CHD2: variants seen among roughly 807,000 people sequenced by gnomAD.
CHD2 encodes chromodomain helicase DNA binding protein 2.
In CHD2, 28 loss-of-function variants were observed where a neutral mutation model predicts 243.9. The ratio of observed to expected loss-of-function variants is 0.11; its 90% CI spans 0.09 to 0.16. The LOEUF (loss-of-function observed/expected upper bound fraction) is 0.16, where lower values mean the gene tolerates loss of function less well. Ranked by LOEUF, CHD2 falls within the 10% of genes least tolerant of loss-of-function variation. CHD2 has a pLI of 1.00. For synonymous variants in CHD2, 775 were observed against 779.0 expected, an observed-to-expected ratio of 0.99 and a Z score of 0.09; for missense variants, 1,386 against 2,209.8, an observed-to-expected ratio of 0.63 and a Z score of 7.47.
chr15:92,900,906 T>G (rs2052519809), intron 1 of CHD2, 82 bp downstream of exon 1: 5 of 408,626 alleles, frequency 1.2e-5, no homozygotes, highest in Non-Finnish European at 2.1e-5. Flanking sequence ...GAGAAATTCT[T>G]GGATGACGCA....
intron 38 of CHD2, chr15:93,020,746 T>C (rs1011554003): frequency 3.4e-5 from 6 of 177,652 alleles, no homozygotes; most frequent in Admixed American, 2.3e-4. Flanking sequence ...CAGGGAGAGC[T>C]AAAGAGGTTT....
intron 20 of CHD2, 167 bp from the exon 21 acceptor site, chr15:92,978,067 C>A: frequency 1.4e-6 from 1 of 733,790 alleles, no homozygotes; most frequent in Non-Finnish European, 2.3e-6. Flanking sequence ...AATGAAAATT[C>A]ATTCTACCAT....
intron 26 of CHD2, among the ~76,000 whole-genome samples, chr15:92,987,810 G>A (rs1596439965): frequency 6.8e-6 from 1 of 146,884 alleles, no homozygotes; most frequent in African/African-American, 2.5e-5. Flanking sequence ...ACTTTCCTTT[G>A]TGTTAAATAT....
At chr15:93,007,937 T>G (rs2054342430) in intron 34 of CHD2, among the ~76,000 whole-genome samples, 1 of 152,234 alleles carries the variant, frequency 6.6e-6, no homozygotes, top group South Asian at 2.1e-4. Context: ...CACACTTTGC[T>G]TCGGTGGCTT....
intron 5 of CHD2, among the ~76,000 whole-genome samples, chr15:92,933,811 G>T (rs1285436440): frequency 6.6e-6 from 1 of 152,138 alleles, no homozygotes; most frequent in Non-Finnish European, 1.5e-5. Flanking sequence ...TCACTCTGAT[G>T]CCCAGGCTGG....
In CHD2 at chr15:93,002,160, C is replaced by T. The variant is rs1212776464; in HGVS notation, c.4138-17C>T. 3 of 1,572,642 alleles carry T rather than the reference C, an allele frequency of 1.9e-6. No individual in the cohort carries two copies. Among genetic ancestry groups the T allele is most frequent in the South Asian group, 2.4e-5 (2 of 83,454 alleles). On this transcript the variant is annotated splice_polypyrimidine_tract_variant and intron_variant, in intron 32 of 38. Transcript: ENST00000394196. ...AAAATTTGTAGCAAAAATTCATAGCCCTGTTTTGTTTCCTAGGATGATGGC... is the reference window on the plus strand; with the variant it reads ...AAAATTTGTAGCAAAAATTCATAGCTCTGTTTTGTTTCCTAGGATGATGGC...
intron 38 of CHD2, chr15:93,020,983 C>T (rs987968979): frequency 2.0e-5 from 3 of 152,322 alleles, no homozygotes; most frequent in African/African-American, 7.2e-5. Flanking sequence ...GGAGACTGCC[C>T]CTCGCTCCCA....
At chr15:92,912,776 C>T (rs901443843) in intron 2 of CHD2, among the ~76,000 whole-genome samples, 4 of 147,400 alleles carry the variant, frequency 2.7e-5, no homozygotes, top group East Asian at 1.9e-4. Flanking sequence ...CCTCGTGATC[C>T]GCCAACCTTG....
chr15:92,900,411 C>G lies in CHD2; in HGVS notation c.-485C>G, dbSNP rs1166200446. The stretch of plus-strand genomic sequence containing the variant: ...CCTTTGCCTCACTTTACGCAACTTT[C>G]CCTAACTTTCGGGCAGCCTCAGGGG... On this transcript the variant is annotated 5_prime_UTR_variant, in exon 1 of 39. Coordinates refer to ENST00000394196, the MANE Select transcript of CHD2 (RefSeq NM_001271.4). The G allele has an allele frequency of 5.1e-6, 2 of 395,238 alleles. No individual in the cohort carries two copies. Among genetic ancestry groups the G allele is most frequent in the Non-Finnish European group, 8.9e-6 (2 of 224,412 alleles). The allele number at this position is 395,238 out of a possible 1,614,324, so 24.5% of individuals were successfully genotyped here. A position where few individuals can be genotyped will look rare whatever the true frequency, so the allele number is the denominator to read the frequency against.
chr15:92,933,604 T>G (rs190254446), intron 5 of CHD2, among the ~76,000 whole-genome samples: 37 of 152,342 alleles, frequency 2.4e-4, no homozygotes, highest in Non-Finnish European at 4.9e-4. Context: ...CTGGTGGTTT[T>G]GTTTTGTTTT....
rs1369077009 is a variant in CHD2, at chr15:92,998,294, T to A, written c.3886-205T>A. 1.5e-6 allele frequency: 2 copies of A among 1,307,518 alleles called. No homozygotes were observed. Among genetic ancestry groups the A allele is most frequent in the Non-Finnish European group, 2.0e-6 (2 of 1,012,450 alleles). The allele number at this position is 1,307,518 out of a possible 1,614,324, so 81.0% of individuals were successfully genotyped here. A position where few individuals can be genotyped will look rare whatever the true frequency, so the allele number is the denominator to read the frequency against. On this transcript the variant is annotated intron_variant, in intron 30 of 38. Coordinates refer to ENST00000394196, the MANE Select transcript of CHD2 (RefSeq NM_001271.4). This position sits in a 1 kb window ranked among gnomAD's most constrained non-coding sequence, Gnocchi z 5.1. ...CCATTGGGAGAGCTGGATTTCTCCA[T>A]CCCATTTTGTAAAATGAGAACGGCT...
chr15:92,903,308 G>T (rs937072271), intron 2 of CHD2, among the ~76,000 whole-genome samples: 2 of 152,152 alleles, frequency 1.3e-5, no homozygotes, highest in Non-Finnish European at 2.9e-5. Context: ...ATTGCCCAAA[G>T]TATAGTGTTT....
Position 92,971,797 on chromosome 15 carries a change from C to G in CHD2, c.2222C>G (p.Ala741Gly). ...CTGACCAGGAATTACAAGGCTCTTG[C>G]CAAAGGAACAAGAGGCAGCACATCT... ...WILTRNYKALAKGTRGSTSGF... is the reference protein window; with the variant it reads ...WILTRNYKALGKGTRGSTSGF... The change falls in exon 18 of 39, where the codon GCC becomes GGC. Residue 741 changes from alanine (A) to glycine (G), a missense_variant. Transcript: ENST00000394196. 1 of 1,613,112 alleles carries G rather than the reference C, an allele frequency of 6.2e-7. No homozygotes were observed. The highest frequency in any genetic ancestry group is 8.5e-7 in the Non-Finnish European group (1 of 1,179,686).
At chr15:92,984,643 C>T in intron 25 of CHD2, 143 bp downstream of exon 25, 2 of 709,214 alleles carry the variant, frequency 2.8e-6, no homozygotes, top group Non-Finnish European at 4.1e-6. Context: ...GGAAACTTAA[C>T]AAAGGAAAGT....
At chr15:92,916,673 C>T (rs1352465663) in intron 2 of CHD2, among the ~76,000 whole-genome samples, 1 of 152,216 alleles carries the variant, frequency 6.6e-6, no homozygotes, top group Non-Finnish European at 1.5e-5. Flanking sequence ...CCTACCTTGG[C>T]CTCCCGAGTA....
intron 26 of CHD2, among the ~76,000 whole-genome samples, chr15:92,989,092 C>G (rs200484360): frequency 2.1e-5 from 3 of 140,348 alleles, no homozygotes; most frequent in Non-Finnish European, 3.0e-5. Flanking sequence ...AGTGCAATGG[C>G]GCGATTTTGG....
At chr15:93,000,736 C>T (rs548729897) in intron 32 of CHD2, 96 bp downstream of exon 32, 49 of 1,316,562 alleles carry the variant, frequency 3.7e-5, no homozygotes, top group Middle Eastern at 2.1e-4. Context: ...GTTTGGTTTA[C>T]GAGTGGATTA....
At chr15:92,960,136 A>G (rs1399785750) in intron 16 of CHD2, among the ~76,000 whole-genome samples, 1 of 152,212 alleles carries the variant, frequency 6.6e-6, no homozygotes, top group East Asian at 1.9e-4. Context: ...AATTTTTAAA[A>G]ATATAACCTA....
At chr15:93,001,304 A>G (rs563835844) in intron 32 of CHD2, among the ~76,000 whole-genome samples, 1 of 152,346 alleles carries the variant, frequency 6.6e-6, no homozygotes, top group South Asian at 2.1e-4. Flanking sequence ...TCTGTTAACA[A>G]AACTCCTGTG....
Sources: gnomAD v4.1 joint callset for allele counts (sites outside exome capture counted in the v4.1 genomes callset) on GRCh38, gnomAD v4.1.1 for gene constraint, Gnocchi (gnomAD v3.1) non-coding constraint, MANE v1.5 for transcripts, NCBI Gene and HGNC (gene_info 2026-07-23, HGNC 2026-07-21) for gene names.